The following IQCM variants were observed in gnomAD, a reference collection of about 807,000 sequenced individuals.
The protein encoded by IQCM is IQ motif containing M, also known as IQ domain-containing protein M.
Under a neutral mutation model 57.6 loss-of-function variants are expected in IQCM, and 45 were observed. That is an observed-to-expected ratio of 0.78 (90% CI 0.62 to 1.00). IQCM has a LOEUF of 1.00. IQCM is among the 50% of genes least tolerant of loss of function. IQCM has a pLI of 0.00. For missense variants in IQCM, 468 were observed against 511.6 expected (o/e 0.91, Z 0.82); for synonymous variants, 148 against 158.9 (o/e 0.93, Z 0.51).
intron 13 of IQCM, among the ~76,000 whole-genome samples, chr4:149,386,997 C>A (rs768516440): frequency 2.6e-5 from 4 of 152,006 alleles, no homozygotes; most frequent in African/African-American, 4.8e-5. Flanking sequence ...TGGTGGTCTA[C>A]CCCTTATTGA....
chr4:149,652,014 C>T (rs1249002474), intron 7 of IQCM, among the ~76,000 whole-genome samples: 1 of 152,114 alleles, frequency 6.6e-6, no homozygotes, highest in African/African-American at 2.4e-5. Flanking sequence ...ATGTTTATTG[C>T]AGCACTATTC....
intron 7 of IQCM, among the ~76,000 whole-genome samples, chr4:149,622,933 A>G (rs2150076832): frequency 6.6e-6 from 1 of 152,308 alleles, no homozygotes; most frequent in African/African-American, 2.4e-5. Flanking sequence ...CAAGGCAAGG[A>G]CTATAACTTA....
intron 12 of IQCM, among the ~76,000 whole-genome samples, chr4:149,456,049 C>T (rs1737667853): frequency 6.6e-6 from 1 of 151,592 alleles, no homozygotes; most frequent in Non-Finnish European, 1.5e-5. Context: ...TGGCTGAGAT[C>T]CCTATTAAAA....
rs988550200 is a variant in IQCM, at chr4:149,519,806, C to T, written c.1228+28649G>A. Among the ~76,000 whole-genome samples the T allele has an allele frequency of 5.3e-5, 8 of 151,908 alleles. No homozygotes were observed. The South Asian group carries it at 1.0e-3, about 20-fold the overall frequency. On this transcript the variant is annotated intron_variant, in intron 12 of 13. Coordinates refer to ENST00000636793, the MANE Select transcript of IQCM (RefSeq NM_001363507.2). ...GATCACGAGGTCAGGAGATCAAGAC[C>T]TTCCTGGCTAACACGGTGAAACCCT...
intron 8 of IQCM, among the ~76,000 whole-genome samples, chr4:149,601,674 T>G (rs940402434): frequency 1.3e-4 from 20 of 152,230 alleles, no homozygotes; most frequent in African/African-American, 4.8e-4. Flanking sequence ...AGTATACTAC[T>G]ACATTTTATG....
intron 5 of IQCM, among the ~76,000 whole-genome samples, chr4:149,696,545 G>T (rs1763355146): frequency 6.6e-6 from 1 of 152,058 alleles, no homozygotes; most frequent in Admixed American, 6.6e-5. Flanking sequence ...TTATTCTCCA[G>T]CCCACATCTC....
chr4:149,529,846 A>G (rs977965062), intron 12 of IQCM, among the ~76,000 whole-genome samples: 5 of 152,180 alleles, frequency 3.3e-5, no homozygotes, highest in Non-Finnish European at 7.3e-5. Context: ...CTTTCATAAT[A>G]TAAGTCATAT....
At chr4:149,454,866 G>T (rs1308054717) in intron 12 of IQCM, among the ~76,000 whole-genome samples, 1 of 151,962 alleles carries the variant, frequency 6.6e-6, no homozygotes, top group Non-Finnish European at 1.5e-5. Context: ...ATAGTAGCAG[G>T]GTAGGGGATG....
At chr4:149,786,023 AT>A in intron 2 of IQCM, among the ~76,000 whole-genome samples, 1 of 152,162 alleles carries the variant, frequency 6.6e-6, no homozygotes, top group Non-Finnish European at 1.5e-5. Flanking sequence ...GTATTTCTAA[AT>A]TATATTATAA....
chr4:149,358,780 G>C (rs1361395259), intron 13 of IQCM, among the ~76,000 whole-genome samples: 1 of 96,242 alleles, frequency 1.0e-5, no homozygotes, highest in East Asian at 2.5e-4. Flanking sequence ...GTTGTAGGCT[G>C]GGGACAGAGA....
At chr4:149,361,444 C>T (rs532067658) in intron 13 of IQCM, among the ~76,000 whole-genome samples, 7 of 152,302 alleles carry the variant, frequency 4.6e-5, no homozygotes, top group Admixed American at 2.6e-4. Context: ...CCTCCCATCA[C>T]AGGCCTGGAG....
chr4:149,600,901 A>G (rs997726152), intron 8 of IQCM, among the ~76,000 whole-genome samples: 1 of 152,136 alleles, frequency 6.6e-6, no homozygotes, highest in Non-Finnish European at 1.5e-5. Flanking sequence ...TTTGACATCA[A>G]CTGTGGTCCT....
intron 12 of IQCM, among the ~76,000 whole-genome samples, chr4:149,437,962 T>C (rs1579055484): frequency 1.3e-5 from 2 of 152,126 alleles, no homozygotes; most frequent in East Asian, 1.9e-4. Context: ...TTCACACAAA[T>C]GCCAGCCCAG....
At chr4:149,656,032 C>A (rs973484329) in intron 7 of IQCM, among the ~76,000 whole-genome samples, 1 of 152,070 alleles carries the variant, frequency 6.6e-6, no homozygotes, top group Admixed American at 6.6e-5. Flanking sequence ...GAATCACAAG[C>A]CAGATACTTG....
intron 12 of IQCM, among the ~76,000 whole-genome samples, chr4:149,545,399 A>C (rs1261209407): frequency 6.6e-6 from 1 of 152,068 alleles, no homozygotes; most frequent in East Asian, 1.9e-4. Context: ...ATGGCCAACA[A>C]ACCTCAATAA....
chr4:149,537,068 C>T (rs1747370891), intron 12 of IQCM, among the ~76,000 whole-genome samples: 1 of 151,618 alleles, frequency 6.6e-6, no homozygotes, highest in South Asian at 2.1e-4. Flanking sequence ...ATGAGACATG[C>T]CAAGAAATGG....
At chr4:149,757,182 C>T (rs1462711140) in intron 2 of IQCM, among the ~76,000 whole-genome samples, 3 of 151,798 alleles carry the variant, frequency 2.0e-5, no homozygotes, top group Admixed American at 1.3e-4. Flanking sequence ...GGCATGAACC[C>T]GGGAGGCAGA....
chr4:149,481,701 G>GTATTTTTTTTTTTTTTT (rs1740815764), intron 12 of IQCM, among the ~76,000 whole-genome samples: 1 of 51,550 alleles, frequency 1.9e-5, no homozygotes, highest in Non-Finnish European at 3.7e-5. Flanking sequence ...TTCCAGTTTT[G>GTATTTTTTTTTTTTTTT]TTTTTTTTTT....
intron 5 of IQCM, among the ~76,000 whole-genome samples, chr4:149,715,232 T>C (rs1342115264): frequency 6.6e-6 from 1 of 152,142 alleles, no homozygotes; most frequent in Non-Finnish European, 1.5e-5. Flanking sequence ...CCAGATCCCA[T>C]GCCTGCCAAG....
Sources: allele counts gnomAD v4.1 joint callset (sites outside exome capture counted in the v4.1 genomes callset), GRCh38; gene constraint gnomAD v4.1.1; transcripts MANE v1.5; gene names NCBI Gene and HGNC (gene_info 2026-07-23, HGNC 2026-07-21).